STAP1: variants seen among roughly 807,000 people sequenced by gnomAD.
STAP1 encodes signal-transducing adaptor protein 1.
STAP1 carries 30 observed loss-of-function variants against 37.8 expected under a neutral mutation model. The ratio of observed to expected loss-of-function variants is 0.79; its 90% CI spans 0.59 to 1.08. The LOEUF is 1.08. Among genes scored for constraint, STAP1 ranks in the 50% least tolerant of loss-of-function variants. The pLI, the probability that STAP1 is intolerant of heterozygous loss-of-function variation, is 0.00. For synonymous variants in STAP1, 130 were observed against 116.0 expected, an observed-to-expected ratio of 1.12 and a Z score of -0.78; for missense variants, 357 against 349.4, an observed-to-expected ratio of 1.02 and a Z score of -0.17.
In STAP1 at chr4:67,602,737, G is replaced by C. The variant is rs187671081; in HGVS notation, c.827-3559G>C. 3.5e-3 allele frequency among the ~76,000 whole-genome samples: 529 copies of C among 152,100 alleles called. 2 individuals are homozygous for C. The highest frequency in any genetic ancestry group is 0.012 in the African/African-American group (487 of 41,478). ...CTCCCCACCTCCTCTCTCTCTCTCT[G>C]TGTGTGTGTGCTGAGCTGCCTGGAG... On this transcript the variant is annotated intron_variant, in intron 8 of 8. Transcript: ENST00000265404.
In STAP1 at chr4:67,575,433, A is replaced by C; in HGVS notation, c.241A>C (p.Asn81His). The C allele has an allele frequency of 6.2e-7, 1 of 1,605,740 alleles. No homozygotes were observed. The highest frequency in any genetic ancestry group is 8.5e-7 in the Non-Finnish European group (1 of 1,177,648). ...AGACCTCACATGCCTTACTGAGCAGAATTCAACTGAAAAGAACTGTGCGAA... is the reference window on the plus strand; with the variant it reads ...AGACCTCACATGCCTTACTGAGCAGCATTCAACTGAAAAGAACTGTGCGAA... ...IVDLTCLTEQ[N>H]STEKNCAKFT... Residue 81 changes from asparagine (N) to histidine (H), a missense_variant, in exon 3 of 9, where the codon AAT becomes CAT. Coordinates refer to ENST00000265404, the MANE Select transcript of STAP1 (RefSeq NM_012108.4).
intron 1 of STAP1, among the ~76,000 whole-genome samples, chr4:67,569,131 C>A (rs1019973527): frequency 6.6e-6 from 1 of 152,194 alleles, no homozygotes; most frequent in Non-Finnish European, 1.5e-5. Flanking sequence ...GGCTACAAAC[C>A]TGTATAGCAT....
intron 1 of STAP1, among the ~76,000 whole-genome samples, chr4:67,562,138 A>T (rs1727361252): frequency 6.8e-6 from 1 of 148,136 alleles, no homozygotes; most frequent in Non-Finnish European, 1.5e-5. Context: ...AAAATAAGAG[A>T]TAGTTTGGGC....
rs769719938 is a variant in STAP1 at position 67,558,939 on chromosome 4, T to C, written c.120+10T>C. ...GCGGTCAGGATACCGGGTGAGTCTA[T>C]AGATGATAATGTTAAACCTAAGACT... is the stretch of plus-strand genomic sequence containing the variant. On this transcript the variant is annotated intron_variant, in intron 1 of 8. Transcript: ENST00000265404. 8.1e-6 allele frequency: 13 copies of C among 1,595,556 alleles called. No homozygotes were observed. Among genetic ancestry groups the C allele is most frequent in the Non-Finnish European group, 8.5e-6 (10 of 1,171,164 alleles).
chr4:67,590,745 A>ATTTTTT lies in STAP1; in HGVS notation c.660-124_660-119dup, dbSNP rs66493617. ...AACAGAAAATAAAAAACCACGAAGGATTTTTTTTTTTTTTTTTTTTGCCAA... is the reference window on the plus strand; with the variant it reads ...AACAGAAAATAAAAAACCACGAAGGATTTTTTTTTTTTTTTTTTTTTTTTTTGCCAA... On this transcript the variant is annotated intron_variant, in intron 6 of 8. Coordinates refer to ENST00000265404, the MANE Select transcript of STAP1 (RefSeq NM_012108.4). 215 of 209,376 alleles carry ATTTTTT rather than the reference A, an allele frequency of 1.0e-3. 10 individuals carry two copies. The highest frequency in any genetic ancestry group is 3.4e-3 in the Middle Eastern group (2 of 596). The allele number at this position is 209,376 out of a possible 1,614,324, so 13.0% of individuals were successfully genotyped here. A position where few individuals can be genotyped will look rare whatever the true frequency, so the allele number is the denominator to read the frequency against.
At chr4:67,579,735 C>G (rs1399951638) in intron 4 of STAP1, among the ~76,000 whole-genome samples, 1 of 152,158 alleles carries the variant, frequency 6.6e-6, no homozygotes, top group Non-Finnish European at 1.5e-5. Flanking sequence ...AAGCACCAAG[C>G]CATGAGAGAT....
chr4:67,593,481 C>G, intron 8 of STAP1, 125 bp downstream of exon 8: 1 of 661,280 alleles, frequency 1.5e-6, no homozygotes, highest in Non-Finnish European at 2.6e-6. Context: ...TTAAATTTAT[C>G]CATTTGGAAA....
chr4:67,572,628 T>G (rs962155751), intron 2 of STAP1, among the ~76,000 whole-genome samples: 1 of 152,136 alleles, frequency 6.6e-6, no homozygotes, highest in Non-Finnish European at 1.5e-5. Flanking sequence ...ACAAAAGATC[T>G]CCAACACAGT....
intron 8 of STAP1, among the ~76,000 whole-genome samples, chr4:67,595,227 G>A (rs1187728135): frequency 6.6e-6 from 1 of 151,920 alleles, no homozygotes; most frequent in African/African-American, 2.4e-5. Flanking sequence ...GCATTTAGAT[G>A]GGTAATTGTT....
At chr4:67,565,734 T>G (rs1016362106) in intron 1 of STAP1, among the ~76,000 whole-genome samples, 1 of 152,084 alleles carries the variant, frequency 6.6e-6, no homozygotes, top group East Asian at 1.9e-4. Flanking sequence ...CTCCTAGTTT[T>G]GGGTACTCCT....
intron 4 of STAP1, among the ~76,000 whole-genome samples, chr4:67,580,612 C>T (rs1727830889): frequency 6.6e-6 from 1 of 152,128 alleles, no homozygotes; most frequent in African/African-American, 2.4e-5. Flanking sequence ...AAATATCTTA[C>T]CATTCACACT....
chr4:67,603,317 A>G (rs1728384144), intron 8 of STAP1, among the ~76,000 whole-genome samples: 1 of 152,172 alleles, frequency 6.6e-6, no homozygotes, highest in African/African-American at 2.4e-5. Context: ...AATGCCATCC[A>G]GGAACCAAGG....
Position 67,607,230 on chromosome 4 carries a change from A to G in STAP1, c.*873A>G, listed in dbSNP as rs796845069. 6 of 152,316 alleles carry G rather than the reference A, an allele frequency of 3.9e-5. No individual in the cohort carries two copies. The highest frequency in any genetic ancestry group is 1.4e-4 in the African/African-American group (6 of 41,562). The allele number at this position is 152,316 out of a possible 1,614,324, so 9.4% of individuals were successfully genotyped here. A position where few individuals can be genotyped will look rare whatever the true frequency, so the allele number is the denominator to read the frequency against. On this transcript the variant is annotated 3_prime_UTR_variant, in exon 9 of 9. Transcript: ENST00000265404. ...TGTGAGACAGAGGGAGAAAACAGCC[A>G]TTGACAACTCAAGGAGAGAGGCCTC...
At chr4:67,583,848 C>G in intron 6 of STAP1, 146 bp downstream of exon 6, 1 of 894,282 alleles carries the variant, frequency 1.1e-6, no homozygotes, top group Non-Finnish European at 1.6e-6. Flanking sequence ...CCTGTAATCT[C>G]AACACTTCGG....
intron 8 of STAP1, among the ~76,000 whole-genome samples, chr4:67,601,436 C>G (rs1159313371): frequency 1.3e-5 from 2 of 152,126 alleles, no homozygotes; most frequent in Non-Finnish European, 2.9e-5. Flanking sequence ...TCTATTACCA[C>G]CAGTGAGTTT....
Position 67,606,297 on chromosome 4 carries a change from T to A in STAP1, c.828T>A (p.Gly276=). 6.2e-7 allele frequency: 1 copy of A among 1,610,222 alleles called. No homozygotes were observed. The highest frequency in any genetic ancestry group is 8.5e-7 in the Non-Finnish European group (1 of 1,178,802). ...AGTTTTTCTACCCACAATTTCTAGG[T>A]CAAGAACCCAGTATGGAAGGGAGAA... ...PFICSTDENT[G]QEPSMEGRSE... The change falls in exon 9 of 9, where the codon GGT becomes GGA. Residue 276 remains glycine (G), a splice_region_variant and synonymous_variant. Coordinates refer to ENST00000265404, the MANE Select transcript of STAP1 (RefSeq NM_012108.4).
intron 8 of STAP1, among the ~76,000 whole-genome samples, chr4:67,604,650 C>T (rs1187250292): frequency 6.6e-6 from 1 of 152,172 alleles, no homozygotes; most frequent in Non-Finnish European, 1.5e-5. Context: ...GGGAATTGGT[C>T]AAATTCCTTC....
At chr4:67,599,437 A>C (rs1021645554) in intron 8 of STAP1, among the ~76,000 whole-genome samples, 7 of 151,934 alleles carry the variant, frequency 4.6e-5, no homozygotes, top group Non-Finnish European at 1.0e-4. Context: ...TCATCTTGGT[A>C]GGTTGTATGT....
intron 6 of STAP1, among the ~76,000 whole-genome samples, chr4:67,583,953 C>T (rs1440990179): frequency 6.6e-6 from 1 of 151,924 alleles, no homozygotes; most frequent in African/African-American, 2.4e-5. Flanking sequence ...AAAAAATTAG[C>T]CAGGCGTGGT....
Sources: allele counts gnomAD v4.1 joint callset (sites outside exome capture counted in the v4.1 genomes callset), GRCh38; gene constraint gnomAD v4.1.1; transcripts MANE v1.5; gene names NCBI Gene and HGNC (gene_info 2026-07-23, HGNC 2026-07-21).